The following BIRC6 variants were observed in gnomAD, a reference collection of about 807,000 sequenced individuals.
BIRC6 encodes baculoviral IAP repeat containing 6.
In BIRC6, 98 loss-of-function variants were observed where a neutral mutation model predicts 503.3. The observed-to-expected ratio is 0.19, with a 90% confidence interval of 0.17 to 0.23. BIRC6 has a LOEUF of 0.23. Among genes scored for constraint, BIRC6 ranks in the 10% least tolerant of loss-of-function variants. The pLI, the probability that BIRC6 is intolerant of heterozygous loss-of-function variation, is 1.00. For synonymous variants in BIRC6, 2,240 were observed against 2,078.7 expected (o/e 1.08, Z -2.11); for missense variants, 5,360 against 5,806.0 (o/e 0.92, Z 2.50).
intron 32 of BIRC6, among the ~76,000 whole-genome samples, chr2:32,472,818 G>A (rs113741561): frequency 2.0e-5 from 3 of 152,296 alleles, no homozygotes; most frequent in Middle Eastern, 3.4e-3. Flanking sequence ...CATCATCAAA[G>A]TTGTATAGAG....
chr2:32,436,290 T>C (rs890866806), intron 15 of BIRC6, 106 bp downstream of exon 15: 2 of 1,069,774 alleles, frequency 1.9e-6, no homozygotes, highest in African/African-American at 1.6e-5. Flanking sequence ...TTTGGGACTT[T>C]CGTTCGAAAT....
At chr2:32,611,064 A>C (rs181126780) in intron 72 of BIRC6, among the ~76,000 whole-genome samples, 10 of 150,088 alleles carry the variant, frequency 6.7e-5, no homozygotes, top group African/African-American at 2.4e-4. Flanking sequence ...TCAAATCATG[A>C]GCTTGATTTT....
chr2:32,513,770 G>A (rs1229483822), intron 54 of BIRC6, among the ~76,000 whole-genome samples: 5 of 152,160 alleles, frequency 3.3e-5, no homozygotes, highest in East Asian at 1.9e-4. Context: ...CTAGCCCGGC[G>A]TGGTGGCGCG....
At chr2:32,463,484 CTGAT>C in intron 24 of BIRC6, 103 bp downstream of exon 24, 3 of 1,150,846 alleles carry the variant, frequency 2.6e-6, no homozygotes, top group East Asian at 2.8e-5. Flanking sequence ...CGTAGGTTGA[CTGAT>C]CTGAGCTAAT....
intron 20 of BIRC6, among the ~76,000 whole-genome samples, chr2:32,444,016 T>G (rs1035369726): frequency 1.3e-5 from 2 of 150,350 alleles, no homozygotes; most frequent in African/African-American, 4.9e-5. Context: ...TGGAATTTCC[T>G]AAAAGGGACC....
chr2:32,517,149 G>C (rs928402977), intron 55 of BIRC6, among the ~76,000 whole-genome samples: 8 of 152,018 alleles, frequency 5.3e-5, no homozygotes, highest in Non-Finnish European at 1.0e-4. Flanking sequence ...TTGACAACAT[G>C]GCAAAACCTC....
chr2:32,502,850 T>C lies in BIRC6; in HGVS notation c.9263T>C (p.Val3088Ala). 6.2e-7 allele frequency: 1 copy of C among 1,612,814 alleles called. No homozygotes were observed. The highest frequency in any genetic ancestry group is 1.7e-5 in the Admixed American group (1 of 59,850). The change falls in exon 48 of 74, where the codon GTA becomes GCA. Residue 3088 changes from valine (V) to alanine (A), a missense_variant. Val to Ala is a moderately conservative substitution (Grantham distance 64, BLOSUM62 0). This residue lies in a region of BIRC6 where 267 missense variants were observed against 287.6 expected (regional missense o/e 0.93). Coordinates refer to ENST00000421745, the MANE Select transcript of BIRC6 (RefSeq NM_016252.4). ...CCATTATTGTGGTTCATTTTGAGAG[T>C]ATTGGATACTAGTGATGCCTTGAAA... ...SEPLLWFILR[V>A]LDTSDALKAF...
At chr2:32,491,317 TA>T (rs1239157821) in intron 43 of BIRC6, 107 bp from the exon 44 acceptor site, 10 of 1,114,946 alleles carry the variant, frequency 9.0e-6, no homozygotes, top group Non-Finnish European at 1.2e-5. Context: ...AAACTGTAAT[TA>T]CTAGGAATGT....
chr2:32,375,388 C>T (rs2036592045), intron 1 of BIRC6, among the ~76,000 whole-genome samples: 1 of 152,030 alleles, frequency 6.6e-6, no homozygotes, highest in Non-Finnish European at 1.5e-5. Flanking sequence ...ATGCCAGGCA[C>T]AGTGGTGTGC....
intron 15 of BIRC6, 111 bp downstream of exon 15, chr2:32,436,295 C>A (rs545731962): frequency 9.9e-6 from 10 of 1,006,914 alleles, no homozygotes; most frequent in South Asian, 3.8e-5. Context: ...GACTTTCGTT[C>A]GAAATTTCAT....
At position 32,518,176 on chromosome 2, in the gene BIRC6, T is replaced by G. The variant is rs1359401575; in HGVS notation, c.11350-78T>G. 9 of 1,333,666 alleles carry G rather than the reference T, an allele frequency of 6.7e-6. No homozygotes were observed. In the African/African-American group the frequency reaches 1.0e-4, roughly 15 times the overall value. 82.6% of individuals were successfully genotyped at this position (1,333,666 alleles called of 1,614,324 possible). ...TTAAAATAAACTTATTCATATTTTCTGTTTCCTTTTTATCTTTCAAAATAA... is the reference window on the plus strand; with the variant it reads ...TTAAAATAAACTTATTCATATTTTCGGTTTCCTTTTTATCTTTCAAAATAA... On this transcript the variant is annotated intron_variant, in intron 55 of 73. Coordinates refer to ENST00000421745, the MANE Select transcript of BIRC6 (RefSeq NM_016252.4).
intron 66 of BIRC6, among the ~76,000 whole-genome samples, chr2:32,586,349 C>G (rs1254557758): frequency 6.8e-6 from 1 of 147,756 alleles, no homozygotes; most frequent in East Asian, 2.0e-4. Flanking sequence ...TATTCTTTAT[C>G]AAATGGCATT....
At chr2:32,526,320 G>A (rs374267983) in intron 59 of BIRC6, among the ~76,000 whole-genome samples, 1 of 152,170 alleles carries the variant, frequency 6.6e-6, no homozygotes, top group Non-Finnish European at 1.5e-5. Flanking sequence ...CATGCCAGAC[G>A]TGCCAACAGC....
intron 27 of BIRC6, 54 bp from the exon 28 acceptor site, chr2:32,467,849 G>T (rs2048722153): frequency 2.0e-6 from 3 of 1,482,096 alleles, no homozygotes; most frequent in African/African-American, 1.4e-5. Context: ...ACATTGCTCA[G>T]ATTTTTATTG....
At position 32,515,203 on chromosome 2, in the gene BIRC6, T is replaced by C; in HGVS notation, c.10782T>C (p.Asp3594=). ...KKQDLSSSLT[D]DSKNAQAPLA... ...AGGATCTTAGTTCATCTTTAACAGA[T>C]GACTCTAAAAATGCACAAGCACCTC... Residue 3594 remains aspartate (D), a synonymous_variant, in exon 55 of 74, where the codon GAT becomes GAC. Transcript: ENST00000421745. 6.2e-7 allele frequency: 1 copy of C among 1,613,958 alleles called. No homozygotes were observed.
At chr2:32,579,026 C>CT (rs1320321538) in intron 66 of BIRC6, among the ~76,000 whole-genome samples, 4 of 54,454 alleles carry the variant, frequency 7.3e-5, no homozygotes, top group Admixed American at 1.8e-4. Flanking sequence ...ATATATATAC[C>CT]TAATATATAT....
chr2:32,457,914 A>G (rs2047422327), intron 23 of BIRC6, among the ~76,000 whole-genome samples: 1 of 152,150 alleles, frequency 6.6e-6, no homozygotes, highest in Admixed American at 6.5e-5. Flanking sequence ...CTTTGCCAAA[A>G]TACTTCAAAA....
chr2:32,450,568 G>T (rs769067640), intron 22 of BIRC6, among the ~76,000 whole-genome samples: 4 of 152,200 alleles, frequency 2.6e-5, no homozygotes, highest in East Asian at 1.9e-4. Flanking sequence ...GGCATCAGTG[G>T]CACAAGACAG....
At position 32,397,304 on chromosome 2, in the gene BIRC6, C is replaced by T. The variant is rs146437872; in HGVS notation, c.1034+1711C>T. 6.6e-3 allele frequency among the ~76,000 whole-genome samples: 1,007 copies of T among 151,960 alleles called. 2 individuals carry two copies. The highest frequency in any genetic ancestry group is 0.011 in the Admixed American group (162 of 15,256). ...TGGCTAACATGGTGAAACCCCGTCT[C>T]TGCTAAAGATACAATAAATTATCTG... On this transcript the variant is annotated intron_variant, in intron 6 of 73. Transcript: ENST00000421745.
Sources: gnomAD v4.1 joint callset for allele counts (sites outside exome capture counted in the v4.1 genomes callset) on GRCh38, gnomAD v4.1.1 for gene constraint, gnomAD v4.1.1 regional missense constraint, MANE v1.5 for transcripts, NCBI Gene and HGNC (gene_info 2026-07-23, HGNC 2026-07-21) for gene names.